NMNAT3: variants seen among roughly 807,000 people sequenced by gnomAD.
The protein encoded by NMNAT3 is nicotinamide nucleotide adenylyltransferase 3.
Under a neutral mutation model 24.8 loss-of-function variants are expected in NMNAT3, and 21 were observed. The ratio of observed to expected loss-of-function variants is 0.85; its 90% CI spans 0.60 to 1.22. The LOEUF (loss-of-function observed/expected upper bound fraction) is 1.22, where lower values mean the gene tolerates loss of function less well. Ranked by LOEUF, NMNAT3 falls within the 50% of genes most tolerant of loss-of-function variation. The pLI is 0.00. For missense variants in NMNAT3, 387 were observed against 436.6 expected (o/e 0.89, Z 1.01); for synonymous variants, 136 against 155.2 (o/e 0.88, Z 0.92).
chr3:139,660,559 G>A (rs928366329), intron 1 of NMNAT3, among the ~76,000 whole-genome samples: 2 of 152,114 alleles, frequency 1.3e-5, no homozygotes, highest in African/African-American at 2.4e-5. Context: ...ATGTTCAAAG[G>A]CTTATAGGAA....
intron 3 of NMNAT3, among the ~76,000 whole-genome samples, chr3:139,618,863 C>T (rs933888098): frequency 3.3e-5 from 5 of 152,166 alleles, no homozygotes; most frequent in East Asian, 1.9e-4. Flanking sequence ...ATTCACTCCA[C>T]ATACTCTCAT....
At chr3:139,667,763 C>T (rs553719388) in intron 1 of NMNAT3, among the ~76,000 whole-genome samples, 6 of 152,264 alleles carry the variant, frequency 3.9e-5, no homozygotes, top group South Asian at 2.1e-4. Flanking sequence ...CTTGATTTTC[C>T]AAGACAGAAG....
At chr3:139,599,967 A>G (rs1225847841) in intron 3 of NMNAT3, among the ~76,000 whole-genome samples, 1 of 152,200 alleles carries the variant, frequency 6.6e-6, no homozygotes, top group Non-Finnish European at 1.5e-5. Flanking sequence ...ACAGTCGGCC[A>G]GCTGGGACCA....
chr3:139,599,559 A>G (rs1025669666), intron 3 of NMNAT3: 7 of 607,990 alleles, frequency 1.2e-5, no homozygotes, highest in African/African-American at 9.2e-5. Context: ...AAAAAACATA[A>G]AAAAGACCAG....
chr3:139,633,514 C>T (rs955308678), intron 2 of NMNAT3, among the ~76,000 whole-genome samples: 2 of 152,182 alleles, frequency 1.3e-5, no homozygotes, highest in African/African-American at 4.8e-5. Context: ...CATTAGTTTC[C>T]TATGGCTGCA....
Position 139,561,165 on chromosome 3 carries a change from C to G in NMNAT3, c.886G>C (p.Ala296Pro), listed in dbSNP as rs1559842322. ...CCCAAGGCTCGCCTGATGTATGTGG[C>G]ACTGATCTCATTCTGCACAGGCTCC... The change falls in exon 7 of 7, where the codon GCC becomes CCC. Residue 296 changes from alanine to proline, a missense_variant. Coordinates refer to ENST00000643695, the MANE Select transcript of NMNAT3 (RefSeq NM_001320510.2). 6.2e-7 allele frequency: 1 copy of G among 1,614,178 alleles called. No homozygotes were observed. The highest frequency in any genetic ancestry group is 8.5e-7 in the Non-Finnish European group (1 of 1,180,034).
At chr3:139,583,998 G>T in intron 3 of NMNAT3, 1 of 172,628 alleles carries the variant, frequency 5.8e-6, no homozygotes, top group South Asian at 1.7e-4. Flanking sequence ...TATTGCTAGA[G>T]GCTTGTCATT....
At chr3:139,639,729 C>T (rs1049725664) in intron 1 of NMNAT3, among the ~76,000 whole-genome samples, 11 of 152,206 alleles carry the variant, frequency 7.2e-5, no homozygotes, top group Admixed American at 2.6e-4. Flanking sequence ...GGAGAAGTCT[C>T]ATGTCTTCTG....
At chr3:139,573,254 A>G (rs78696577) in intron 6 of NMNAT3, among the ~76,000 whole-genome samples, 2,678 of 152,330 alleles carry the variant, frequency 0.018, 76 homozygotes, top group African/African-American at 0.061. Flanking sequence ...TTTACATTCA[A>G]AAAGGCTAAG....
At chr3:139,582,770 A>T (rs2053721343) in intron 4 of NMNAT3, among the ~76,000 whole-genome samples, 1 of 151,516 alleles carries the variant, frequency 6.6e-6, no homozygotes, top group African/African-American at 2.4e-5. Context: ...ATACAAGCTC[A>T]CATATATAAT....
intron 3 of NMNAT3, 121 bp downstream of exon 4, chr3:139,627,495 G>A (rs528389086): frequency 7.0e-6 from 4 of 572,902 alleles, no homozygotes; most frequent in African/African-American, 5.6e-5. Context: ...AAAAAAATAT[G>A]CCACTAGTTA....
At chr3:139,566,516 A>G (rs1937245475) in intron 6 of NMNAT3, 1 of 152,108 alleles carries the variant, frequency 6.6e-6, no homozygotes, top group South Asian at 2.1e-4. Context: ...TAAGTCTTTA[A>G]TCCATCTTGA....
chr3:139,599,129 T>G (rs998238653), intron 3 of NMNAT3: 1 of 564,230 alleles, frequency 1.8e-6, no homozygotes, highest in Non-Finnish European at 3.1e-6. Context: ...TGTAAAGACT[T>G]CATTATTTCC....
At chr3:139,570,212 C>T (rs1937959224) in intron 6 of NMNAT3, 1 of 152,220 alleles carries the variant, frequency 6.6e-6, no homozygotes. Context: ...TTAAGGACTT[C>T]TGTGCATTGG....
At chr3:139,623,736 CCAGGCCTG>C (rs1485922402) in intron 3 of NMNAT3, among the ~76,000 whole-genome samples, 1 of 152,082 alleles carries the variant, frequency 6.6e-6, no homozygotes, top group Non-Finnish European at 1.5e-5. Context: ...GTGCGTGCCA[CCAGGCCTG>C]GCTAATTTTT....
chr3:139,672,219 A>G (rs2108459737), intron 1 of NMNAT3, among the ~76,000 whole-genome samples: 1 of 152,310 alleles, frequency 6.6e-6, no homozygotes, highest in South Asian at 2.1e-4. Flanking sequence ...TCTGTAAGGC[A>G]GTTCCAACCT....
At chr3:139,664,010 G>A (rs982221261) in intron 1 of NMNAT3, among the ~76,000 whole-genome samples, 1 of 152,156 alleles carries the variant, frequency 6.6e-6, no homozygotes, top group African/African-American at 2.4e-5. Context: ...TAAGGATTAA[G>A]GTCTCTTTGT....
intron 1 of NMNAT3, among the ~76,000 whole-genome samples, chr3:139,666,672 C>T (rs1478460369): frequency 1.3e-5 from 2 of 152,124 alleles, no homozygotes; most frequent in Non-Finnish European, 2.9e-5. Flanking sequence ...TGCTATCAGA[C>T]ACTAGAACTT....
intron 2 of NMNAT3, chr3:139,637,036 G>A (rs775242193): frequency 6.6e-6 from 1 of 152,090 alleles, no homozygotes; most frequent in Non-Finnish European, 1.5e-5. Context: ...GGCCCCTAAA[G>A]GTACACAGAC....
Sources: allele counts gnomAD v4.1 joint callset (sites outside exome capture counted in the v4.1 genomes callset), GRCh38; gene constraint gnomAD v4.1.1; transcripts MANE v1.5; gene names NCBI Gene and HGNC (gene_info 2026-07-23, HGNC 2026-07-21).